NMNAT2: variants seen among roughly 807,000 people sequenced by gnomAD.
NMNAT2 encodes nicotinamide nucleotide adenylyltransferase 2, also known as nicotinamide/nicotinic acid mononucleotide adenylyltransferase 2.
In NMNAT2, 11 loss-of-function variants were observed where a neutral mutation model predicts 41.6. The observed-to-expected ratio is 0.26, with a 90% CI of 0.17 to 0.44. The LOEUF is 0.44. Ranked by LOEUF, NMNAT2 falls within the 20% of genes least tolerant of loss-of-function variation. The pLI is 1.00. For synonymous variants in NMNAT2, 148 were observed against 151.2 expected (o/e 0.98, Z 0.16); for missense variants, 288 against 407.7 (o/e 0.71, Z 2.53).
intron 1 of NMNAT2, among the ~76,000 whole-genome samples, chr1:183,357,446 G>C (rs1485969001): frequency 4.0e-5 from 6 of 151,620 alleles, no homozygotes; most frequent in Non-Finnish European, 2.9e-5. Flanking sequence ...AGCCAGGATG[G>C]TCTCTATCTC....
intron 1 of NMNAT2, among the ~76,000 whole-genome samples, chr1:183,383,273 C>T (rs1017592362): frequency 6.6e-6 from 1 of 152,152 alleles, no homozygotes; most frequent in African/African-American, 2.4e-5. Context: ...GAGGCCTGGG[C>T]CCAGCCCACG....
chr1:183,360,777 C>T (rs1315143684), intron 1 of NMNAT2, among the ~76,000 whole-genome samples: 1 of 152,150 alleles, frequency 6.6e-6, no homozygotes, highest in Non-Finnish European at 1.5e-5. Context: ...TTGGGTTTCC[C>T]CAGGAATTAA....
intron 7 of NMNAT2, among the ~76,000 whole-genome samples, chr1:183,279,728 G>A (rs1661212317): frequency 6.6e-6 from 1 of 152,228 alleles, no homozygotes; most frequent in Non-Finnish European, 1.5e-5. Flanking sequence ...CCAATGGTGG[G>A]CAATGCCAGC....
intron 1 of NMNAT2, among the ~76,000 whole-genome samples, chr1:183,355,305 T>C (rs1571616435): frequency 6.6e-6 from 1 of 152,294 alleles, no homozygotes; most frequent in East Asian, 1.9e-4. Flanking sequence ...CTCTCACAGT[T>C]TGTTATGATA....
At chr1:183,348,586 A>T (rs571427728) in intron 1 of NMNAT2, among the ~76,000 whole-genome samples, 27 of 152,338 alleles carry the variant, frequency 1.8e-4, no homozygotes, top group African/African-American at 6.3e-4. Flanking sequence ...TGCATAATAC[A>T]TCAGACCAGC....
At chr1:183,319,560 C>T (rs1421880310) in intron 1 of NMNAT2, among the ~76,000 whole-genome samples, 1 of 152,242 alleles carries the variant, frequency 6.6e-6, no homozygotes, top group African/African-American at 2.4e-5. Flanking sequence ...AAGGCCAGGC[C>T]TGCCTTCAGC....
At chr1:183,404,670 A>G (rs1465634154) in intron 1 of NMNAT2, among the ~76,000 whole-genome samples, 1 of 152,210 alleles carries the variant, frequency 6.6e-6, no homozygotes, top group Non-Finnish European at 1.5e-5. Context: ...GAGGCCCCTC[A>G]TGATGTGAGA....
At chr1:183,410,511 A>G (rs994931745) in intron 1 of NMNAT2, among the ~76,000 whole-genome samples, 1 of 152,102 alleles carries the variant, frequency 6.6e-6, no homozygotes, top group Admixed American at 6.5e-5. Context: ...AACATCTGCC[A>G]TGTACTCCTT....
intron 1 of NMNAT2, among the ~76,000 whole-genome samples, chr1:183,404,280 G>A (rs1557901593): frequency 6.6e-6 from 1 of 152,120 alleles, no homozygotes; most frequent in East Asian, 1.9e-4. Context: ...AGTAGAGACG[G>A]GGTTTCACCA....
At chr1:183,342,109 G>A (rs1009733726) in intron 1 of NMNAT2, among the ~76,000 whole-genome samples, 2 of 149,532 alleles carry the variant, frequency 1.3e-5, no homozygotes, top group African/African-American at 4.9e-5. Flanking sequence ...GCAAAGCAGT[G>A]TCTCTGAGTG....
intron 1 of NMNAT2, among the ~76,000 whole-genome samples, chr1:183,406,716 G>A (rs1648963956): frequency 6.6e-6 from 1 of 151,074 alleles, no homozygotes; most frequent in Non-Finnish European, 1.5e-5. Flanking sequence ...AGTAGAGTAA[G>A]TACTTTACAA....
chr1:183,288,543 G>A (rs1239550607), intron 4 of NMNAT2, among the ~76,000 whole-genome samples: 1 of 152,240 alleles, frequency 6.6e-6, no homozygotes, highest in African/African-American at 2.4e-5. Flanking sequence ...AACACAGGGA[G>A]AGTTCAGGAA....
At chr1:183,260,905 C>T (rs770367182) in intron 10 of NMNAT2, 97 bp downstream of exon 10, 2 of 902,838 alleles carry the variant, frequency 2.2e-6, no homozygotes, top group Non-Finnish European at 3.7e-6. Flanking sequence ...CAGCAGATGT[C>T]TGCCTGAATC....
chr1:183,307,610 T>C (rs960223071), intron 1 of NMNAT2, among the ~76,000 whole-genome samples: 1 of 152,084 alleles, frequency 6.6e-6, no homozygotes, highest in African/African-American at 2.4e-5. Context: ...ACCTGGCTAA[T>C]TTTTGTATTT....
At chr1:183,368,103 A>G (rs1663452716) in intron 1 of NMNAT2, among the ~76,000 whole-genome samples, 1 of 152,224 alleles carries the variant, frequency 6.6e-6, no homozygotes, top group Admixed American at 6.5e-5. Context: ...TAATTTATTT[A>G]CTAAACAAAT....
intron 8 of NMNAT2, among the ~76,000 whole-genome samples, chr1:183,263,621 A>G (rs1210486890): frequency 1.3e-5 from 2 of 152,172 alleles, no homozygotes; most frequent in Non-Finnish European, 2.9e-5. Context: ...GATCGAGACC[A>G]CGGTGAAACC....
At chr1:183,340,053 T>C (rs1662762438) in intron 1 of NMNAT2, among the ~76,000 whole-genome samples, 1 of 152,238 alleles carries the variant, frequency 6.6e-6, no homozygotes, top group African/African-American at 2.4e-5. Context: ...GCAGAGAGCC[T>C]GGTCCAGTCA....
chr1:183,271,597 T>C (rs1268476158), intron 8 of NMNAT2, among the ~76,000 whole-genome samples: 1 of 152,232 alleles, frequency 6.6e-6, no homozygotes, highest in Non-Finnish European at 1.5e-5. Flanking sequence ...TCACATGTTA[T>C]AGTTAATATA....
chr1:183,403,440 A>ACC (rs35578924), intron 1 of NMNAT2, among the ~76,000 whole-genome samples: 14 of 132,672 alleles, frequency 1.1e-4, no homozygotes, highest in South Asian at 2.6e-4. Flanking sequence ...AAGAGGAACA[A>ACC]CCCCCCCCCC....
Sources: allele counts gnomAD v4.1 joint callset (sites outside exome capture counted in the v4.1 genomes callset), GRCh38; gene constraint gnomAD v4.1.1; transcripts MANE v1.5; gene names NCBI Gene and HGNC (gene_info 2026-07-23, HGNC 2026-07-21).